The following CYP2J2 variants were observed in gnomAD, a reference collection of about 807,000 sequenced individuals.
CYP2J2 encodes cytochrome P450 family 2 subfamily J member 2, also known as cytochrome P450 2J2.
CYP2J2 carries 41 observed loss-of-function variants against 48.8 expected under a neutral mutation model. The observed-to-expected ratio is 0.84, with a 90% CI of 0.66 to 1.09. CYP2J2 has a LOEUF of 1.09. Ranked by LOEUF, CYP2J2 falls within the 50% of genes least tolerant of loss-of-function variation. CYP2J2 has a pLI of 0.00. For missense variants in CYP2J2, 644 were observed against 617.3 expected, an observed-to-expected ratio of 1.04 and a Z score of -0.46; for synonymous variants, 221 against 227.1, an observed-to-expected ratio of 0.97 and a Z score of 0.24.
intron 7 of CYP2J2, among the ~76,000 whole-genome samples, chr1:59,902,974 T>C (rs2102111199): frequency 6.6e-6 from 1 of 152,332 alleles, no homozygotes; most frequent in East Asian, 1.9e-4. Flanking sequence ...TTTCAACTTG[T>C]CAGTTCCCAA....
chr1:59,907,839 G>T lies in CYP2J2; in HGVS notation c.950C>A (p.Ser317Tyr), dbSNP rs762412473. ...DLFFAGTETT[S>Y]TTLRWALLYM... ...AAGCAGAGCCCATCGCAGAGTTGTG[G>T]AAGTTGTCTCGGTTCCGGCAAAGAA... The change falls in exon 6 of 9, where the codon TCC becomes TAC. Residue 317 changes from serine to tyrosine, a missense_variant. By Grantham distance (144) the Ser-to-Tyr change is moderately radical (BLOSUM62 -2). Coordinates refer to ENST00000371204, the MANE Select transcript of CYP2J2 (RefSeq NM_000775.4). The T allele has an allele frequency of 6.2e-7, 1 of 1,614,018 alleles. No homozygotes were observed. The highest frequency in any genetic ancestry group is 1.3e-5 in the African/African-American group (1 of 74,914).
At chr1:59,949,980 C>A in the CYP2J2 span, among the ~76,000 whole-genome samples, 5 of 152,112 alleles carry the variant, frequency 3.3e-5, no homozygotes, top group African/African-American at 1.2e-4. Context: ...TCTGTATCAT[C>A]TGACCTGGTG....
chr1:59,924,986 G>GA (rs1166650376), intron 1 of CYP2J2, among the ~76,000 whole-genome samples: 1 of 151,936 alleles, frequency 6.6e-6, no homozygotes, highest in Non-Finnish European at 1.5e-5. Context: ...ATACTAATCA[G>GA]AAAAAAAGTT....
the CYP2J2 span, among the ~76,000 whole-genome samples, chr1:59,936,334 T>C: frequency 3.3e-5 from 5 of 152,204 alleles, no homozygotes. Flanking sequence ...GTTGTTTTCC[T>C]AAACTATAAA....
At chr1:59,909,997 T>C in intron 4 of CYP2J2, 37 bp from the exon 5 acceptor site, 2 of 1,510,468 alleles carry the variant, frequency 1.3e-6, no homozygotes, top group Non-Finnish European at 1.8e-6. Context: ...GCAGATAACA[T>C]GGTGCCATTT....
the CYP2J2 span, among the ~76,000 whole-genome samples, chr1:59,961,755 C>T: frequency 2.4e-4 from 37 of 152,146 alleles, no homozygotes; most frequent in South Asian, 7.7e-3. Context: ...AAAAATGTGT[C>T]ATATCCATAC....
At chr1:59,906,450 ATTTT>A (rs145451642) in intron 6 of CYP2J2, among the ~76,000 whole-genome samples, 1 of 146,338 alleles carries the variant, frequency 6.8e-6, no homozygotes, top group African/African-American at 2.5e-5. Flanking sequence ...CCTAGTTTGG[ATTTT>A]TTTTTTTTTA....
intron 1 of CYP2J2, among the ~76,000 whole-genome samples, chr1:59,922,456 C>A (rs1249325593): frequency 6.6e-6 from 1 of 152,006 alleles, no homozygotes; most frequent in Non-Finnish European, 1.5e-5. Flanking sequence ...AATTTAACTC[C>A]ATTTGTTTTA....
the CYP2J2 span, among the ~76,000 whole-genome samples, chr1:59,946,094 T>C: frequency 6.6e-6 from 1 of 150,730 alleles, no homozygotes; most frequent in Non-Finnish European, 1.5e-5. Context: ...CTAAAGTACC[T>C]GTCTAATGCC....
the CYP2J2 span, among the ~76,000 whole-genome samples, chr1:59,954,418 A>G: frequency 1.2e-4 from 18 of 152,332 alleles, no homozygotes; most frequent in South Asian, 4.1e-4. Context: ...AACATTGAAC[A>G]TGAGTGGAAG....
the CYP2J2 span, among the ~76,000 whole-genome samples, chr1:59,933,985 A>G: frequency 7.2e-5 from 11 of 152,166 alleles, no homozygotes; most frequent in Non-Finnish European, 1.5e-4. Flanking sequence ...CCTAATTCCA[A>G]AACATTACAA....
chr1:59,920,698 G>C (rs778327641), intron 1 of CYP2J2, among the ~76,000 whole-genome samples: 1 of 152,076 alleles, frequency 6.6e-6, no homozygotes, highest in Non-Finnish European at 1.5e-5. Context: ...GAGTAGGGGA[G>C]GTGATGTAAG....
chr1:59,932,223 T>C, the CYP2J2 span, among the ~76,000 whole-genome samples: 2 of 152,176 alleles, frequency 1.3e-5, no homozygotes, highest in African/African-American at 4.8e-5. Context: ...AGGTATGTTT[T>C]AGGATATTCC....
intron 1 of CYP2J2, among the ~76,000 whole-genome samples, chr1:59,924,816 T>C (rs1045224387): frequency 4.6e-5 from 7 of 151,870 alleles, no homozygotes; most frequent in African/African-American, 1.7e-4. Flanking sequence ...ATGTCAATAA[T>C]TACATTAAAT....
At chr1:59,929,396 C>A (rs1644592287), upstream of CYP2J2, among the ~76,000 whole-genome samples, 1 of 152,098 alleles carries the variant, frequency 6.6e-6, no homozygotes, top group South Asian at 2.1e-4. Flanking sequence ...TGACCCAGCA[C>A]AGGAAAGAAA....
chr1:59,898,059 A>G lies in CYP2J2; in HGVS notation c.1330+2906T>C, dbSNP rs1022836435. ...ATCCCAGATAAATTTTTTGCCTTCTATGAATTTCATTCTTCTCAGTCAGAA... is the reference window on the plus strand; with the variant it reads ...ATCCCAGATAAATTTTTTGCCTTCTGTGAATTTCATTCTTCTCAGTCAGAA... On this transcript the variant is annotated intron_variant, in intron 8 of 8. Transcript: ENST00000371204. 5.3e-5 allele frequency among the ~76,000 whole-genome samples: 8 copies of G among 152,210 alleles called. No homozygotes were observed. In the East Asian group the frequency reaches 7.7e-4, roughly 15 times the overall value.
At chr1:59,926,774 G>A (rs775840142), upstream of CYP2J2, 5 of 1,580,280 alleles carry the variant, frequency 3.2e-6, no homozygotes, top group East Asian at 2.3e-5. Flanking sequence ...GCTCTTCTGC[G>A]GTCCAAGCAG....
At chr1:59,902,690 C>T (rs912549003) in intron 7 of CYP2J2, among the ~76,000 whole-genome samples, 1 of 152,182 alleles carries the variant, frequency 6.6e-6, no homozygotes, top group African/African-American at 2.4e-5. Flanking sequence ...GCTGAGATTA[C>T]GGGTGTGAGC....
intron 8 of CYP2J2, among the ~76,000 whole-genome samples, chr1:59,895,055 A>G (rs970818339): frequency 6.6e-6 from 1 of 152,238 alleles, no homozygotes; most frequent in Non-Finnish European, 1.5e-5. Flanking sequence ...TTCAGTATGT[A>G]TTTTCTAAAA....
Sources: gnomAD v4.1 joint callset for allele counts (sites outside exome capture counted in the v4.1 genomes callset) on GRCh38, gnomAD v4.1.1 for gene constraint, MANE v1.5 for transcripts, NCBI Gene and HGNC (gene_info 2026-07-23, HGNC 2026-07-21) for gene names.